Variants in PTPN5 observed in about 807,000 individuals in gnomAD.
PTPN5 encodes the protein protein tyrosine phosphatase non-receptor type 5.
In PTPN5, 29 loss-of-function variants were observed where a neutral mutation model predicts 73.9. The ratio of observed to expected loss-of-function variants is 0.39; its 90% CI spans 0.29 to 0.54. PTPN5 has a LOEUF of 0.54. Among genes scored for constraint, PTPN5 ranks in the 20% least tolerant of loss-of-function variants. PTPN5 has a pLI of 0.65. For synonymous variants in PTPN5, 267 were observed against 304.7 expected (o/e 0.88, Z 1.29); for missense variants, 652 against 751.4 (o/e 0.87, Z 1.55).
chr11:18,786,245 C>T (rs1252504414), intron 1 of PTPN5, among the ~76,000 whole-genome samples: 1 of 151,752 alleles, frequency 6.6e-6, no homozygotes, highest in Non-Finnish European at 1.5e-5. Flanking sequence ...CTCTTTCGCC[C>T]AGGCTGTACT....
At chr11:18,752,188 C>G (rs760500090) in intron 3 of PTPN5, among the ~76,000 whole-genome samples, 1 of 152,140 alleles carries the variant, frequency 6.6e-6, no homozygotes, top group Non-Finnish European at 1.5e-5. Flanking sequence ...CCAGAGAGCG[C>G]GCCACTGCAC....
At chr11:18,734,846 G>A (rs1236438800) in intron 9 of PTPN5, among the ~76,000 whole-genome samples, 3 of 152,194 alleles carry the variant, frequency 2.0e-5, no homozygotes, top group Non-Finnish European at 4.4e-5. Flanking sequence ...AGGGAGGACT[G>A]GACTAAAGGC....
intron 7 of PTPN5, among the ~76,000 whole-genome samples, chr11:18,741,161 C>T (rs1849347382): frequency 6.6e-6 from 1 of 152,160 alleles, no homozygotes. Flanking sequence ...GGGACACCTG[C>T]CTGAAGCACA....
At position 18,737,870 on chromosome 11, in the gene PTPN5, G is replaced by C; in HGVS notation, c.1000+10C>G. 1 of 1,611,968 alleles carries C rather than the reference G, an allele frequency of 6.2e-7. No homozygotes were observed. Among genetic ancestry groups the C allele is most frequent in the South Asian group, 1.1e-5 (1 of 91,026 alleles). On this transcript the variant is annotated intron_variant, in intron 9 of 14. Coordinates refer to ENST00000358540, the MANE Select transcript of PTPN5 (RefSeq NM_006906.2). ...CCTGCCCCCATCCCTCTGGGACAGT[G>C]AGTACTCACTGGGAAGTATGGTTTT...
At chr11:18,738,195 C>G (rs76675814) in intron 8 of PTPN5, among the ~76,000 whole-genome samples, 3,883 of 152,260 alleles carry the variant, frequency 0.026, 146 homozygotes, top group East Asian at 0.16. Flanking sequence ...GGAGAGCCAG[C>G]CTGCCATATA....
intron 8 of PTPN5, 37 bp downstream of exon 8, chr11:18,740,566 C>T: frequency 6.7e-7 from 1 of 1,488,226 alleles, no homozygotes; most frequent in Non-Finnish European, 9.0e-7. Context: ...TGACATGGGT[C>T]TGCACACAGT....
chr11:18,777,987 AAAGAAAGGAAGGAAGGAAGG>A (rs1360117964), intron 1 of PTPN5, among the ~76,000 whole-genome samples: 17 of 113,386 alleles, frequency 1.5e-4, no homozygotes, highest in African/African-American at 3.6e-4. Flanking sequence ...AGAAAGAAAG[AAAGAAAGGAAGGAAGGAAGG>A]AAGGAAGGAA....
At chr11:18,775,572 T>C (rs559261258) in intron 1 of PTPN5, among the ~76,000 whole-genome samples, 26 of 151,984 alleles carry the variant, frequency 1.7e-4, no homozygotes, top group Non-Finnish European at 3.4e-4. Context: ...CTAGCTTGCA[T>C]GGGGAGTTTG....
intron 1 of PTPN5, among the ~76,000 whole-genome samples, chr11:18,782,359 C>T (rs1334438658): frequency 6.6e-6 from 1 of 152,058 alleles, no homozygotes; most frequent in African/African-American, 2.4e-5. Flanking sequence ...TCCCGAGTAG[C>T]TGGGACTACA....
chr11:18,758,357 G>A (rs1367713128), intron 3 of PTPN5, among the ~76,000 whole-genome samples: 2 of 152,210 alleles, frequency 1.3e-5, no homozygotes, highest in African/African-American at 2.4e-5. Context: ...CACATAAGAA[G>A]TCCAACTACC....
At chr11:18,791,346 A>ACCCCTCC (rs1292388826) in intron 1 of PTPN5, among the ~76,000 whole-genome samples, 179 bp downstream of exon 1, 1 of 151,736 alleles carries the variant, frequency 6.6e-6, no homozygotes, top group Non-Finnish European at 1.5e-5. Flanking sequence ...TGCATGGGGG[A>ACCCCTCC]CCCCTCCCCC....
At chr11:18,769,541 T>TA (rs1226583522) in intron 2 of PTPN5, among the ~76,000 whole-genome samples, 5 of 152,180 alleles carry the variant, frequency 3.3e-5, no homozygotes, top group Admixed American at 6.5e-5. Flanking sequence ...TAGCTGGGAT[T>TA]ACAGGTGCCT....
At chr11:18,741,176 C>T (rs999318992) in intron 7 of PTPN5, among the ~76,000 whole-genome samples, 4 of 152,096 alleles carry the variant, frequency 2.6e-5, no homozygotes, top group African/African-American at 4.8e-5. Flanking sequence ...AGCACAGAAG[C>T]GGGGCTTGGG....
chr11:18,729,464 G>A lies in PTPN5; in HGVS notation c.1593C>T (p.Leu531=). 2 of 1,539,154 alleles carry A rather than the reference G, an allele frequency of 1.3e-6. No individual in the cohort carries two copies. The highest frequency in any genetic ancestry group is 1.8e-6 in the Non-Finnish European group (2 of 1,116,294). Residue 531 remains leucine (L), a synonymous_variant, in exon 14 of 15, where the codon CTC becomes CTT. Coordinates refer to ENST00000358540, the MANE Select transcript of PTPN5 (RefSeq NM_006906.2). The surrounding 1 kb of genome is among the most constrained non-coding windows in gnomAD (Gnocchi z 5.2). ...GCCCGTGGGCTGACCTGTCCTGACGGAGCTGGCACGTGGTCTTCAGGATGT... is the reference window on the plus strand; with the variant it reads ...GCCCGTGGGCTGACCTGTCCTGACGAAGCTGGCACGTGGTCTTCAGGATGT... ...VVDILKTTCQ[L]RQDRGGMIQT...
At chr11:18,749,487 G>A (rs1564904422) in intron 3 of PTPN5, 1 of 515,208 alleles carries the variant, frequency 1.9e-6, no homozygotes, top group South Asian at 1.4e-5. Context: ...TCGGGGGAGG[G>A]TGGGGGGCAG....
In PTPN5 at chr11:18,728,786, T is replaced by C. The variant is rs1184406526; in HGVS notation, c.*148A>G. On this transcript the variant is annotated 3_prime_UTR_variant, in exon 15 of 15. Transcript: ENST00000358540. This position sits in a 1 kb window ranked among gnomAD's most constrained non-coding sequence, Gnocchi z 4.1. ...CAGTAGGAAGAGCAATGCTGGAGGG[T>C]AGGGGTCAGGCCAGGCTGACAGAGG... is the stretch of plus-strand genomic sequence containing the variant. 1.7e-5 allele frequency: 11 copies of C among 655,258 alleles called. No homozygotes were observed. The highest frequency in any genetic ancestry group is 2.5e-5 in the Non-Finnish European group (10 of 392,192). The allele number at this position is 655,258 out of a possible 1,614,324, so 40.6% of individuals were successfully genotyped here. A position where few individuals can be genotyped will look rare whatever the true frequency, so the allele number is the denominator to read the frequency against.
intron 1 of PTPN5, among the ~76,000 whole-genome samples, chr11:18,775,643 C>T (rs554568851): frequency 3.3e-5 from 5 of 152,256 alleles, no homozygotes; most frequent in South Asian, 2.1e-4. Flanking sequence ...AGTGCCATGA[C>T]GAATACACTC....
Position 18,729,624 on chromosome 11 carries a change from T to C in PTPN5, c.1490+34A>G. The C allele has an allele frequency of 1.3e-6, 2 of 1,575,636 alleles. No homozygotes were observed. Among genetic ancestry groups the C allele is most frequent in the Non-Finnish European group, 1.7e-6 (2 of 1,163,400 alleles). On this transcript the variant is annotated intron_variant, in intron 13 of 14. Coordinates refer to ENST00000358540, the MANE Select transcript of PTPN5 (RefSeq NM_006906.2). This position sits in a 1 kb window ranked among gnomAD's most constrained non-coding sequence, Gnocchi z 5.2. The stretch of plus-strand genomic sequence containing the variant: ...CAGGGCAGCCCAGCGGGTGGGGGGC[T>C]GCCCCGCTCCAGTGGCTGGCTGGGA...
intron 9 of PTPN5, among the ~76,000 whole-genome samples, chr11:18,735,343 G>A (rs1306548263): frequency 3.3e-5 from 5 of 151,378 alleles, no homozygotes; most frequent in Non-Finnish European, 7.4e-5. Context: ...CGGGAGGGGG[G>A]CTTTTGGGGG....
Sources: gnomAD v4.1 joint callset for allele counts (sites outside exome capture counted in the v4.1 genomes callset) on GRCh38, gnomAD v4.1.1 for gene constraint, Gnocchi (gnomAD v3.1) non-coding constraint, MANE v1.5 for transcripts, NCBI Gene and HGNC (gene_info 2026-07-23, HGNC 2026-07-21) for gene names.